Variants in NSA2 observed in about 807,000 individuals in gnomAD.
NSA2 encodes the protein NSA2 ribosome biogenesis factor, also known as ribosome biogenesis protein NSA2 homolog.
In NSA2, 18 loss-of-function variants were observed where a neutral mutation model predicts 34.8. The ratio of observed to expected loss-of-function variants is 0.52; its 90% CI spans 0.36 to 0.77. NSA2 has a LOEUF of 0.77. NSA2 is among the 30% of genes least tolerant of loss of function. The pLI is 0.00. For synonymous variants in NSA2, 79 were observed against 100.2 expected (o/e 0.79, Z 1.26); for missense variants, 188 against 314.7 (o/e 0.60, Z 3.05).
rs769700489 is a variant in NSA2 at position 74,769,031 on chromosome 5, G to A, written c.104G>A (p.Arg35His). The change falls in exon 2 of 6, where the codon CGT (arginine) becomes CAT (histidine). Residue 35 changes from arginine to histidine, a missense_variant. Transcript: ENST00000610426. ...AAGGAAAGTCGAGAGGCTCATGAAC[G>A]TTCAAAGAAGGCAAAGAAAATGATT... is the stretch of plus-strand genomic sequence containing the variant. ...RKKESREAHE[R>H]SKKAKKMIGL... 9 of 1,611,944 alleles carry A rather than the reference G, an allele frequency of 5.6e-6. No individual in the cohort carries two copies. Among genetic ancestry groups the A allele is most frequent in the East Asian group, 2.2e-5 (1 of 44,870 alleles).
chr5:74,772,148 G>A (rs572861827), intron 4 of NSA2, among the ~76,000 whole-genome samples: 108 of 144,156 alleles, frequency 7.5e-4, no homozygotes, highest in African/African-American at 1.5e-3. Flanking sequence ...TTTTTGGGAC[G>A]GAGTCTCCCT....
rs529260318 is a variant in NSA2, at chr5:74,779,056, TAAC to T, written c.*2388_*2390del. ...CCTCTATAATCTATAAACCCCAAAA[TAAC>T]AATTTCTGTCAGAGAGAATCTGTAA... On this transcript the variant is annotated 3_prime_UTR_variant, in exon 6 of 6. Coordinates refer to ENST00000610426, the MANE Select transcript of NSA2 (RefSeq NM_014886.6). The T allele has an allele frequency of 1.4e-4, 21 of 152,240 alleles. 1 individual carries two copies. Among genetic ancestry groups the T allele is most frequent in the Admixed American group, 4.6e-4 (7 of 15,290 alleles). The allele number at this position is 152,240 out of a possible 1,614,324, so 9.4% of individuals were successfully genotyped here.
intron 4 of NSA2, 76 bp downstream of exon 4, chr5:74,770,886 C>T (rs75138268): frequency 0.01 from 11,892 of 1,143,600 alleles, 82 homozygotes; most frequent in Middle Eastern, 0.018. Context: ...TTATCATTTC[C>T]TGAAATTCTT....
At chr5:74,776,242 A>G (rs980415730) in intron 5 of NSA2, among the ~76,000 whole-genome samples, 10 of 152,166 alleles carry the variant, frequency 6.6e-5, no homozygotes, top group African/African-American at 1.9e-4. Context: ...GCTCACACCT[A>G]TAATCACAGC....
chr5:74,775,509 C>T (rs558220738), intron 5 of NSA2, among the ~76,000 whole-genome samples: 7 of 151,572 alleles, frequency 4.6e-5, no homozygotes, highest in Admixed American at 2.0e-4. Flanking sequence ...TCCAGCTACT[C>T]GGGAGGCTGA....
chr5:74,776,555 A>T (rs1479573953), intron 5 of NSA2, 49 bp from the exon 6 acceptor site: 2 of 909,772 alleles, frequency 2.2e-6, no homozygotes, highest in Non-Finnish European at 3.6e-6. Flanking sequence ...ATTAATTTTT[A>T]TTAGCTAACA....
chr5:74,770,731 G>T lies in NSA2; in HGVS notation c.443G>T (p.Arg148Ile), dbSNP rs779793565. 2.5e-6 allele frequency: 4 copies of T among 1,613,592 alleles called. No homozygotes were observed. Among genetic ancestry groups the T allele is most frequent in the Non-Finnish European group, 3.4e-6 (4 of 1,179,754 alleles). Reference protein sequence around the residue: ...TGKRKKKAWKRMVTKVCFVGD... With the variant: ...TGKRKKKAWKIMVTKVCFVGD... ...AAGAGAAAGAAGAAGGCATGGAAGA[G>T]AATGGTTACTAAAGTGTGCTTTGTT... The change falls in exon 4 of 6, where the codon AGA (arginine) becomes ATA (isoleucine). Residue 148 changes from arginine to isoleucine, a missense_variant. By Grantham distance (97) the Arg-to-Ile change is moderately conservative. Coordinates refer to ENST00000610426, the MANE Select transcript of NSA2 (RefSeq NM_014886.6).
chr5:74,774,188 A>G (rs1006323126), intron 5 of NSA2, 128 bp downstream of exon 5: 17 of 548,026 alleles, frequency 3.1e-5, no homozygotes. Context: ...ACTGTAAATC[A>G]GATGTAAATA....
intron 3 of NSA2, among the ~76,000 whole-genome samples, 162 bp from the exon 4 acceptor site, chr5:74,770,469 C>A (rs1220249220): frequency 6.6e-6 from 1 of 151,942 alleles, no homozygotes; most frequent in East Asian, 1.9e-4. Flanking sequence ...TAATTTGCAG[C>A]TTATGAGACA....
At chr5:74,774,726 A>G (rs1745055747) in intron 5 of NSA2, among the ~76,000 whole-genome samples, 2 of 151,954 alleles carry the variant, frequency 1.3e-5, no homozygotes, top group East Asian at 1.9e-4. Flanking sequence ...AGGGAGGCAT[A>G]TATCAAACAT....
At position 74,778,628 on chromosome 5, in the gene NSA2, A is replaced by G. The variant is rs1745244564; in HGVS notation, c.*1957A>G. 1 of 152,072 alleles carries G rather than the reference A, an allele frequency of 6.6e-6. No homozygotes were observed. Among genetic ancestry groups the G allele is most frequent in the Admixed American group, 6.5e-5 (1 of 15,268 alleles). 9.4% of individuals were successfully genotyped at this position (152,072 alleles called of 1,614,324 possible). ...AATCATAATAGACCCTCTCACCTTTAAAAGTTGTAGAGGAGCTTTATAATA... is the reference window on the plus strand; with the variant it reads ...AATCATAATAGACCCTCTCACCTTTGAAAGTTGTAGAGGAGCTTTATAATA... On this transcript the variant is annotated 3_prime_UTR_variant, in exon 6 of 6. Coordinates refer to ENST00000610426, the MANE Select transcript of NSA2 (RefSeq NM_014886.6).
intron 4 of NSA2, chr5:74,771,398 C>G (rs1010856541): frequency 1.3e-5 from 2 of 152,116 alleles, no homozygotes; most frequent in African/African-American, 4.8e-5. Flanking sequence ...TTTCCACAGT[C>G]ATATTTTCCT....
chr5:74,769,142 A>T (rs757496640), intron 2 of NSA2, 24 bp downstream of exon 2: 2 of 1,595,934 alleles, frequency 1.3e-6, no homozygotes, highest in African/African-American at 2.7e-5. Context: ...TTTATTTGTC[A>T]TAACAAGTTA....
chr5:74,770,035 T>C (rs573424723), intron 3 of NSA2, among the ~76,000 whole-genome samples: 19 of 152,298 alleles, frequency 1.2e-4, no homozygotes, highest in African/African-American at 4.3e-4. Flanking sequence ...ATACTGCTTA[T>C]AGAAGTCACT....
chr5:74,768,797 T>G, intron 1 of NSA2, 134 bp from the exon 2 acceptor site: 1 of 673,128 alleles, frequency 1.5e-6, no homozygotes, highest in Non-Finnish European at 2.4e-6. Context: ...GTGAATAAAC[T>G]TAATGGTGCA....
chr5:74,771,060 C>T (rs912072792), intron 4 of NSA2, among the ~76,000 whole-genome samples: 1 of 151,782 alleles, frequency 6.6e-6, no homozygotes, highest in African/African-American at 2.4e-5. Context: ...GGTGGATCAC[C>T]TGAAGTTAGG....
Position 74,778,516 on chromosome 5 carries a change from T to A in NSA2, c.*1845T>A, listed in dbSNP as rs1285453811. The stretch of plus-strand genomic sequence containing the variant: ...TAATGACTAGATGTTTTCCTTACCA[T>A]CTACACTGAATGGAAATACCATGAA... On this transcript the variant is annotated 3_prime_UTR_variant, in exon 6 of 6. Transcript: ENST00000610426. 6.6e-6 allele frequency: 1 copy of A among 152,024 alleles called. No homozygotes were observed. Among genetic ancestry groups the A allele is most frequent in the Non-Finnish European group, 1.5e-5 (1 of 67,900 alleles). 9.4% of individuals were successfully genotyped at this position (152,024 alleles called of 1,614,324 possible).
chr5:74,776,509 A>G, intron 5 of NSA2, 95 bp from the exon 6 acceptor site: 1 of 700,066 alleles, frequency 1.4e-6, no homozygotes, highest in Admixed American at 2.2e-5. Flanking sequence ...GTATTAAGAC[A>G]AAAAGAAAAA....
At chr5:74,771,853 CAAAAAAA>C (rs11291606) in intron 4 of NSA2, among the ~76,000 whole-genome samples, 1 of 76,536 alleles carries the variant, frequency 1.3e-5, no homozygotes, top group African/African-American at 3.9e-5. Context: ...GATTCTGTCT[CAAAAAAA>C]AAAAAAAAAG....
Sources: gnomAD v4.1 joint callset for allele counts (sites outside exome capture counted in the v4.1 genomes callset) on GRCh38, gnomAD v4.1.1 for gene constraint, MANE v1.5 for transcripts, NCBI Gene and HGNC (gene_info 2026-07-23, HGNC 2026-07-21) for gene names.